The following AOPEP variants were observed in gnomAD, a reference collection of about 807,000 sequenced individuals.
AOPEP encodes aminopeptidase O (putative).
Under a neutral mutation model 98.1 loss-of-function variants are expected in AOPEP, and 77 were observed. The ratio of observed to expected loss-of-function variants is 0.78; its 90% CI spans 0.65 to 0.95. The LOEUF (loss-of-function observed/expected upper bound fraction) is 0.95. Among genes scored for constraint, AOPEP ranks in the 40% least tolerant of loss-of-function variants. AOPEP has a pLI of 0.00. For missense variants in AOPEP, 1,024 were observed against 1,024.7 expected, an observed-to-expected ratio of 1.00 and a Z score of 0.01; for synonymous variants, 346 against 365.3, an observed-to-expected ratio of 0.95 and a Z score of 0.60.
chr9:94,873,004 T>C (rs550237873), intron 5 of AOPEP, among the ~76,000 whole-genome samples: 24 of 151,626 alleles, frequency 1.6e-4, no homozygotes, highest in African/African-American at 5.6e-4. Context: ...GGAAAGGAAA[T>C]ATATCCAGGG....
rs1444921707 is a variant in AOPEP, at chr9:94,930,816, CTG to C, written c.1661+2287_1661+2288del. ...GGAAGTCAGGAAGCGGGGCTGGTAACTGTAGGCTCTGTGAGAGGGGGTGTGTT... is the reference window on the plus strand; with the variant it reads ...GGAAGTCAGGAAGCGGGGCTGGTAACTAGGCTCTGTGAGAGGGGGTGTGTT... On this transcript the variant is annotated intron_variant, in intron 7 of 16. Transcript: ENST00000375315. This position sits in a 1 kb window ranked among gnomAD's most constrained non-coding sequence, Gnocchi z 4.5. 4.6e-5 allele frequency among the ~76,000 whole-genome samples: 7 copies of C among 151,998 alleles called. No homozygotes were observed. Among genetic ancestry groups the C allele is most frequent in the Admixed American group, 2.0e-4 (3 of 15,270 alleles).
intron 1 of AOPEP, among the ~76,000 whole-genome samples, 156 bp downstream of exon 1, chr9:94,726,907 C>CT (rs1564018996): frequency 6.6e-6 from 1 of 152,228 alleles, no homozygotes; most frequent in Non-Finnish European, 1.5e-5. Flanking sequence ...CTCCTCAGTT[C>CT]TCCCAGACTC....
At chr9:94,952,319 C>G (rs564152977) in intron 7 of AOPEP, among the ~76,000 whole-genome samples, 1 of 152,296 alleles carries the variant, frequency 6.6e-6, no homozygotes, top group Non-Finnish European at 1.5e-5. Flanking sequence ...CAAGTCTTTG[C>G]TAGATGGCTC....
chr9:94,917,047 C>T (rs2052931700), intron 5 of AOPEP, among the ~76,000 whole-genome samples: 1 of 151,738 alleles, frequency 6.6e-6, no homozygotes, highest in African/African-American at 2.4e-5. Flanking sequence ...ATGACCATAA[C>T]CGGCAGAACC....
At chr9:95,145,450 C>T in the AOPEP span, 1 of 152,142 alleles carries the variant, frequency 6.6e-6, no homozygotes, top group African/African-American at 2.4e-5. Context: ...CATGAAAACG[C>T]CAGCTCTCTC....
the AOPEP span, chr9:95,126,520 A>C: frequency 6.2e-7 from 1 of 1,613,442 alleles, no homozygotes; most frequent in Non-Finnish European, 8.5e-7. Flanking sequence ...GAAACAGTGT[A>C]ACGTTTACCT....
intron 5 of AOPEP, among the ~76,000 whole-genome samples, chr9:94,827,492 TC>T (rs1383541171): frequency 6.6e-6 from 1 of 152,214 alleles, no homozygotes; most frequent in African/African-American, 2.4e-5. Context: ...AAGAGAATGT[TC>T]CATATTTGGT....
At chr9:94,780,324 CT>C (rs1842981394) in intron 3 of AOPEP, among the ~76,000 whole-genome samples, 1 of 152,140 alleles carries the variant, frequency 6.6e-6, no homozygotes, top group Non-Finnish European at 1.5e-5. Context: ...ATATGAAAAA[CT>C]TTTATAACCC....
chr9:94,803,076 G>A (rs1370894255), intron 5 of AOPEP, among the ~76,000 whole-genome samples: 4 of 152,146 alleles, frequency 2.6e-5, no homozygotes, highest in Non-Finnish European at 4.4e-5. Context: ...GAACAAAAAC[G>A]ATGGTTTTGT....
the AOPEP span, chr9:95,135,377 C>A: frequency 6.2e-7 from 1 of 1,614,092 alleles, no homozygotes; most frequent in Non-Finnish European, 8.5e-7. Context: ...GCATTCGATC[C>A]TTCTCAGACA....
At chr9:94,926,599 G>A (rs1413988816) in intron 6 of AOPEP, among the ~76,000 whole-genome samples, 2 of 152,228 alleles carry the variant, frequency 1.3e-5, no homozygotes, top group Non-Finnish European at 2.9e-5. Context: ...GCCCTGGCGA[G>A]TGCCTGCCTC....
chr9:94,839,322 A>G (rs1232135612), intron 5 of AOPEP, among the ~76,000 whole-genome samples: 2 of 152,062 alleles, frequency 1.3e-5, no homozygotes, highest in East Asian at 3.9e-4. Flanking sequence ...TCTCCTGACC[A>G]TGTGATCCGC....
At chr9:94,875,934 T>C (rs1368554969) in intron 5 of AOPEP, among the ~76,000 whole-genome samples, 1 of 152,190 alleles carries the variant, frequency 6.6e-6, no homozygotes, top group South Asian at 2.1e-4. Context: ...GATAGCTGCA[T>C]ACAAAACATT....
At chr9:95,117,240 G>A in the AOPEP span, 1 of 1,299,126 alleles carries the variant, frequency 7.7e-7, no homozygotes, top group Non-Finnish European at 1.1e-6. Context: ...ATAAGGGCCT[G>A]ATGAGGAGGT....
At chr9:95,128,069 G>A in the AOPEP span, among the ~76,000 whole-genome samples, 1 of 152,200 alleles carries the variant, frequency 6.6e-6, no homozygotes, top group African/African-American at 2.4e-5. Context: ...CAGGACCACC[G>A]TTCAAGAGAG....
rs780721890 is a variant in AOPEP, at chr9:94,800,942, C to A, written c.1304C>A (p.Pro435Gln). The stretch of plus-strand genomic sequence containing the variant: ...GCACATTCTGTTCTGGGAGCACACC[C>A]GTTCTCTCGGCTGGATGTTCTCATC... ...SAAHSVLGAH[P>Q]FSRLDVLIVP... The change falls in exon 5 of 17, where the codon CCG becomes CAG. Residue 435 changes from proline to glutamine, a missense_variant. This residue lies in a region of AOPEP where 566 missense variants were observed against 551.7 expected (regional missense o/e 1.03). Transcript: ENST00000375315. 6.2e-7 allele frequency: 1 copy of A among 1,614,182 alleles called. No individual in the cohort carries two copies. Among genetic ancestry groups the A allele is most frequent in the East Asian group, 2.2e-5 (1 of 44,872 alleles).
In AOPEP at chr9:94,800,743, T is replaced by C. The variant is rs747584764; in HGVS notation, c.1119-14T>C. 6.2e-7 allele frequency: 1 copy of C among 1,612,568 alleles called. No individual in the cohort carries two copies. ...AATAAACATGTTTTACCATTTATTTTGTGTTATTCCCAGGCATGTTGGTGT... is the reference window on the plus strand; with the variant it reads ...AATAAACATGTTTTACCATTTATTTCGTGTTATTCCCAGGCATGTTGGTGT... On this transcript the variant is annotated splice_polypyrimidine_tract_variant and intron_variant, in intron 4 of 16. Transcript: ENST00000375315.
chr9:95,097,424 G>C, the AOPEP span, among the ~76,000 whole-genome samples: 1 of 152,174 alleles, frequency 6.6e-6, no homozygotes, highest in Non-Finnish European at 1.5e-5. Flanking sequence ...CTTTGACCCA[G>C]GCTCCTCCAT....
intron 14 of AOPEP, among the ~76,000 whole-genome samples, chr9:95,070,207 C>CT (rs1587900639): frequency 6.6e-6 from 1 of 152,056 alleles, no homozygotes; most frequent in Non-Finnish European, 1.5e-5. Flanking sequence ...CTGCAGAGGC[C>CT]CCCCTTACCA....
Sources: gnomAD v4.1 joint callset for allele counts (sites outside exome capture counted in the v4.1 genomes callset) on GRCh38, gnomAD v4.1.1 for gene constraint, gnomAD v4.1.1 regional missense constraint, Gnocchi (gnomAD v3.1) non-coding constraint, MANE v1.5 for transcripts, NCBI Gene and HGNC (gene_info 2026-07-23, HGNC 2026-07-21) for gene names.